Variants in PLEKHA6 observed in about 807,000 individuals in gnomAD.
The protein encoded by PLEKHA6 is pleckstrin homology domain containing A6.
In PLEKHA6, 60 loss-of-function variants were observed where a neutral mutation model predicts 116.7. The ratio of observed to expected loss-of-function variants is 0.51; its 90% CI spans 0.42 to 0.64. PLEKHA6 has a LOEUF of 0.64. Among genes scored for constraint, PLEKHA6 ranks in the 30% least tolerant of loss-of-function variants. PLEKHA6 has a pLI of 0.00. For missense variants in PLEKHA6, 1,338 were observed against 1,422.7 expected (o/e 0.94, Z 0.96); for synonymous variants, 489 against 556.1 (o/e 0.88, Z 1.70).
At chr1:204,336,995 A>G (rs1672671506) in intron 1 of PLEKHA6, among the ~76,000 whole-genome samples, 1 of 152,208 alleles carries the variant, frequency 6.6e-6, no homozygotes, top group South Asian at 2.1e-4. Context: ...AAGAAAGAAG[A>G]GCCTGAAGGC....
At chr1:204,285,707 C>T (rs1483394418) in intron 1 of PLEKHA6, among the ~76,000 whole-genome samples, 1 of 152,202 alleles carries the variant, frequency 6.6e-6, no homozygotes, top group Non-Finnish European at 1.5e-5. Context: ...TTTTAAATCA[C>T]ATGCATTAAG....
intron 1 of PLEKHA6, among the ~76,000 whole-genome samples, chr1:204,352,578 GGA>G (rs1673314366): frequency 6.6e-6 from 1 of 152,112 alleles, no homozygotes; most frequent in Non-Finnish European, 1.5e-5. Flanking sequence ...GAACCTCCTA[GGA>G]GAGTCTATCC....
At chr1:204,333,094 C>G (rs1672517612) in intron 1 of PLEKHA6, among the ~76,000 whole-genome samples, 1 of 152,212 alleles carries the variant, frequency 6.6e-6, no homozygotes, top group Admixed American at 6.5e-5. Flanking sequence ...AAGACCCAGG[C>G]CCCCAGGCCT....
intron 1 of PLEKHA6, among the ~76,000 whole-genome samples, chr1:204,296,036 GACCAAGGAAGGGC>G (rs1670245359): frequency 6.6e-6 from 1 of 152,064 alleles, no homozygotes; most frequent in African/African-American, 2.4e-5. Context: ...GCAGGCAGGG[GACCAAGGAAGGGC>G]ATATGTGTCA....
chr1:204,260,633 A>G (rs1278164222), intron 7 of PLEKHA6, among the ~76,000 whole-genome samples: 3 of 152,314 alleles, frequency 2.0e-5, no homozygotes, highest in Admixed American at 6.5e-5. Context: ...TTGCTTGGTA[A>G]ACATTTCTAA....
chr1:204,275,758 C>A (rs11240713), intron 1 of PLEKHA6: 1 of 977,970 alleles, frequency 1.0e-6, no homozygotes, highest in African/African-American at 1.8e-5. Flanking sequence ...TAAGCGGTGA[C>A]TACTTGGCAA....
Position 204,229,059 on chromosome 1 carries a change from C to G in PLEKHA6, c.2629G>C (p.Glu877Gln), listed in dbSNP as rs929784656. 11 of 1,613,826 alleles carry G rather than the reference C, an allele frequency of 6.8e-6. No individual in the cohort carries two copies. Among genetic ancestry groups the G allele is most frequent in the Non-Finnish European group, 8.5e-6 (10 of 1,179,880 alleles). Residue 877 changes from glutamate (E) to glutamine (Q), a missense_variant, in exon 19 of 23, where the codon GAG becomes CAG. Transcript: ENST00000272203. ...GGCTCCTCTGCCCGCAGGGCTGCCT[C>G]CAGGTTGGAGATGTCTACCTCATGG... Reference protein sequence around the residue: ...SIHEVDISNLEAALRAEEPGG... With the variant: ...SIHEVDISNLQAALRAEEPGG...
intron 1 of PLEKHA6, chr1:204,347,068 ACT>A: frequency 7.0e-7 from 1 of 1,429,566 alleles, no homozygotes; most frequent in Admixed American, 1.7e-5. Flanking sequence ...AACATTGTAG[ACT>A]CTTCCAGTTT....
In PLEKHA6 at chr1:204,223,476, C is replaced by G; in HGVS notation, c.3141G>C (p.Arg1047=). 6.5e-7 allele frequency: 1 copy of G among 1,537,562 alleles called. No homozygotes were observed. The highest frequency in any genetic ancestry group is 8.8e-7 in the Non-Finnish European group (1 of 1,134,228). Residue 1047 remains arginine (R), a synonymous_variant, in exon 22 of 23, where the codon CGG becomes CGC. Transcript: ENST00000272203. This position sits in a 1 kb window ranked among gnomAD's most constrained non-coding sequence, Gnocchi z 4.8. ...AAAGTGCTTACGTCAGAGCTCAGAC[C>G]CGCATGGTATAGCTGCTGTCGGCGC... ...PRGADSSYTM[R]V
intron 3 of PLEKHA6, among the ~76,000 whole-genome samples, chr1:204,272,768 TATC>T (rs1169814029): frequency 2.6e-5 from 4 of 152,262 alleles, no homozygotes; most frequent in Non-Finnish European, 5.9e-5. Flanking sequence ...ACATAAGTGA[TATC>T]ATATTTCTCA....
At chr1:204,308,429 A>G (rs950500884) in intron 1 of PLEKHA6, among the ~76,000 whole-genome samples, 1 of 152,184 alleles carries the variant, frequency 6.6e-6, no homozygotes, top group Non-Finnish European at 1.5e-5. Flanking sequence ...CAATCAATCA[A>G]TCAATGTCAG....
At chr1:204,272,745 T>C (rs963425102) in intron 3 of PLEKHA6, among the ~76,000 whole-genome samples, 5 of 152,226 alleles carry the variant, frequency 3.3e-5, no homozygotes, top group African/African-American at 1.2e-4. Context: ...CTGCTTTTCA[T>C]GTCTGTACAT....
chr1:204,259,816 A>G lies in PLEKHA6; in HGVS notation c.525-76T>C, dbSNP rs58987851. Reference sequence around the variant, plus strand: ...TGGGGCAGGGGGTGCCAGACTGGGAAGAAGAGGAGTGGGGAAGGATGGGCA... The same window carrying G: ...TGGGGCAGGGGGTGCCAGACTGGGAGGAAGAGGAGTGGGGAAGGATGGGCA... On this transcript the variant is annotated intron_variant, in intron 7 of 22. Transcript: ENST00000272203. This position sits in a 1 kb window ranked among gnomAD's most constrained non-coding sequence, Gnocchi z 4.6. 7.1e-3 allele frequency: 10,472 copies of G among 1,473,252 alleles called. 206 individuals are homozygous for G. In the African/African-American group the frequency reaches 0.076, roughly 11 times the overall value. The allele number at this position is 1,473,252 out of a possible 1,614,324, so 91.3% of individuals were successfully genotyped here.
At chr1:204,334,183 A>T (rs1209983126) in intron 1 of PLEKHA6, among the ~76,000 whole-genome samples, 2 of 152,220 alleles carry the variant, frequency 1.3e-5, no homozygotes, top group Non-Finnish European at 2.9e-5. Context: ...TGTGGTGAAC[A>T]TGCTTCTGGG....
chr1:204,225,080 C>G (rs1660156651), intron 21 of PLEKHA6, among the ~76,000 whole-genome samples: 1 of 152,148 alleles, frequency 6.6e-6, no homozygotes, highest in Non-Finnish European at 1.5e-5. Flanking sequence ...TTCAAAGAGA[C>G]AGAGGAATTG....
intron 1 of PLEKHA6, among the ~76,000 whole-genome samples, chr1:204,312,709 G>A (rs1052350847): frequency 6.6e-6 from 1 of 152,198 alleles, no homozygotes; most frequent in Admixed American, 6.5e-5. Context: ...GGGCTAGAGT[G>A]TGCTGGGGAC....
At chr1:204,280,505 G>A (rs1668486830) in intron 1 of PLEKHA6, 1 of 973,386 alleles carries the variant, frequency 1.0e-6, no homozygotes, top group Non-Finnish European at 1.2e-6. Flanking sequence ...CTGAGAATCT[G>A]CTGACAAAGA....
chr1:204,229,159 T>C, intron 18 of PLEKHA6, 55 bp from the exon 19 acceptor site: 1 of 1,561,026 alleles, frequency 6.4e-7, no homozygotes, highest in South Asian at 1.1e-5. Context: ...TCCAGGCAGC[T>C]CTAGCTATGC....
Position 204,237,744 on chromosome 1 carries a change from T to C in PLEKHA6, c.2409+3631A>G, listed in dbSNP as rs925659473. On this transcript the variant is annotated intron_variant, in intron 17 of 22. Coordinates refer to ENST00000272203, the MANE Select transcript of PLEKHA6 (RefSeq NM_014935.5). ...TACCTTTACTGTCCTACCTCAGGGG[T>C]GTATCAACTCTCCAGCTTTGTGTGA... is the stretch of plus-strand genomic sequence containing the variant. 1.2e-4 allele frequency among the ~76,000 whole-genome samples: 18 copies of C among 152,190 alleles called. 1 individual carries two copies. Among genetic ancestry groups the C allele is most frequent in the Non-Finnish European group, 1.5e-5 (1 of 68,030 alleles).
Sources: gnomAD v4.1 joint callset for allele counts (sites outside exome capture counted in the v4.1 genomes callset) on GRCh38, gnomAD v4.1.1 for gene constraint, Gnocchi (gnomAD v3.1) non-coding constraint, MANE v1.5 for transcripts, NCBI Gene and HGNC (gene_info 2026-07-23, HGNC 2026-07-21) for gene names.